The following FARP1 variants were observed in gnomAD, a reference collection of about 807,000 sequenced individuals.
The protein encoded by FARP1 is FERM, ARHGEF and pleckstrin domain-containing protein 1.
FARP1 carries 52 observed loss-of-function variants against 128.8 expected under a neutral mutation model. The ratio of observed to expected loss-of-function variants is 0.40; its 90% CI spans 0.32 to 0.51. FARP1 has a LOEUF of 0.51. Ranked by LOEUF, FARP1 falls within the 20% of genes least tolerant of loss-of-function variation. The pLI is 0.45. For missense variants in FARP1, 1,333 were observed against 1,367.9 expected, an observed-to-expected ratio of 0.97 and a Z score of 0.40; for synonymous variants, 580 against 551.8, an observed-to-expected ratio of 1.05 and a Z score of -0.72.
At chr13:98,185,289 G>A (rs534016213) in intron 1 of FARP1, among the ~76,000 whole-genome samples, 1 of 152,228 alleles carries the variant, frequency 6.6e-6, no homozygotes, top group Admixed American at 6.5e-5. Context: ...TGATACAAAA[G>A]CAGTATACCG....
intron 2 of FARP1, among the ~76,000 whole-genome samples, chr13:98,221,873 T>G (rs1165101082): frequency 2.0e-5 from 3 of 152,214 alleles, no homozygotes; most frequent in Non-Finnish European, 2.9e-5. Context: ...GTCAGCTGGA[T>G]GCTCTTGTGT....
At chr13:98,231,762 A>G (rs1882127904) in intron 2 of FARP1, among the ~76,000 whole-genome samples, 1 of 152,154 alleles carries the variant, frequency 6.6e-6, no homozygotes, top group South Asian at 2.1e-4. Context: ...TTACAAAGGG[A>G]CTAGAGTACT....
Position 98,368,014 on chromosome 13 carries a change from C to T in FARP1, c.320-103C>T, listed in dbSNP as rs375397256. ...AAAATGGCAGATGTGCACTTGGCAG[C>T]TTGGAATGAGATGCATTATTTGTAT... On this transcript the variant is annotated intron_variant, in intron 4 of 26. Coordinates refer to ENST00000319562, the MANE Select transcript of FARP1 (RefSeq NM_005766.4). 163 of 878,078 alleles carry T rather than the reference C, an allele frequency of 1.9e-4. 1 individual carries two copies. In the South Asian group the frequency reaches 2.4e-3, roughly 13 times the overall value. 54.4% of individuals were successfully genotyped at this position (878,078 alleles called of 1,614,324 possible). A position where few individuals can be genotyped will look rare whatever the true frequency, so the allele number is the denominator to read the frequency against.
chr13:98,453,289 T>C lies in FARP1; in HGVS notation c.*4972T>C. ...AAAAATTCATATAGTAACCAAAATC[T>C]TAGTTTTCATAAGAAATTCCAAGTC... On this transcript the variant is annotated 3_prime_UTR_variant, in exon 27 of 27. Transcript: ENST00000319562. 1 of 1,421,574 alleles carries C rather than the reference T, an allele frequency of 7.0e-7. No homozygotes were observed. Among genetic ancestry groups the C allele is most frequent in the Non-Finnish European group, 9.6e-7 (1 of 1,037,000 alleles). 88.1% of individuals were successfully genotyped at this position (1,421,574 alleles called of 1,614,324 possible).
chr13:98,379,737 A>G (rs1376396417), intron 6 of FARP1, among the ~76,000 whole-genome samples: 5 of 152,184 alleles, frequency 3.3e-5, no homozygotes, highest in African/African-American at 1.2e-4. Flanking sequence ...TAATTAATCC[A>G]ATGTAAATGC....
chr13:98,404,971 C>T (rs530281829), intron 13 of FARP1: 6 of 152,052 alleles, frequency 3.9e-5, no homozygotes, highest in Non-Finnish European at 8.8e-5. Context: ...AACTGAGACC[C>T]ATTTAAAAAA....
At chr13:98,413,633 C>T (rs2390004) in intron 16 of FARP1, among the ~76,000 whole-genome samples, 34,829 of 152,146 alleles carry the variant, frequency 0.23, 4,244 homozygotes, top group Middle Eastern at 0.29. Context: ...GCACTCCAGC[C>T]TGGGTGACAG....
At chr13:98,234,379 C>G (rs1216982248) in intron 2 of FARP1, 2 of 152,194 alleles carry the variant, frequency 1.3e-5, no homozygotes, top group Non-Finnish European at 2.9e-5. Context: ...GCATTAGGTT[C>G]ATTAATAATA....
chr13:98,188,847 C>A (rs1006277376), intron 1 of FARP1, among the ~76,000 whole-genome samples: 21 of 152,348 alleles, frequency 1.4e-4, no homozygotes, highest in African/African-American at 4.6e-4. Context: ...ATCCGAGGCT[C>A]ACCGTATGGG....
In FARP1 at chr13:98,440,027, A is replaced by G. The variant is rs1892457712; in HGVS notation, c.2500A>G (p.Ile834Val). Residue 834 changes from isoleucine to valine, a missense_variant, in exon 22 of 27, where the codon ATC becomes GTC. Ile to Val is a conservative substitution (Grantham distance 29, BLOSUM62 3). Transcript: ENST00000319562. ...CLTLRGQRQS[I>V]IVAASSRSEM... ...GACCCTCCGGGGCCAGCGGCAGTCC[A>G]TCATCGTGGCCGCCAGGTAACTCGG... 3 of 1,606,838 alleles carry G rather than the reference A, an allele frequency of 1.9e-6. No homozygotes were observed. Among genetic ancestry groups the G allele is most frequent in the Non-Finnish European group, 1.7e-6 (2 of 1,174,654 alleles).
At chr13:98,148,815 T>A (rs1305649237) in intron 1 of FARP1, among the ~76,000 whole-genome samples, 1 of 152,208 alleles carries the variant, frequency 6.6e-6, no homozygotes, top group Non-Finnish European at 1.5e-5. Context: ...CTGCCTTTTC[T>A]CTCTGGCTAC....
intron 2 of FARP1, among the ~76,000 whole-genome samples, chr13:98,268,803 T>C (rs1456777522): frequency 1.3e-5 from 2 of 151,858 alleles, no homozygotes; most frequent in African/African-American, 4.8e-5. Flanking sequence ...TGTGTGTGTG[T>C]GTGTGTGTGT....
chr13:98,162,088 CTT>C (rs1413411434), intron 1 of FARP1, among the ~76,000 whole-genome samples: 1 of 152,168 alleles, frequency 6.6e-6, no homozygotes, highest in Non-Finnish European at 1.5e-5. Context: ...CTTCCTGTCT[CTT>C]TCTTTTATCA....
intron 3 of FARP1, 63 bp downstream of exon 3, chr13:98,343,929 AG>A: frequency 9.5e-7 from 1 of 1,055,312 alleles, no homozygotes; most frequent in Non-Finnish European, 1.5e-6. Flanking sequence ...GGGGCTGGGC[AG>A]GGGCCAGTCT....
chr13:98,297,732 CCTCT>C, intron 2 of FARP1, among the ~76,000 whole-genome samples: 1 of 152,022 alleles, frequency 6.6e-6, no homozygotes, highest in Non-Finnish European at 1.5e-5. Flanking sequence ...GAAGGAAGCC[CCTCT>C]CTCTCATCTG....
At chr13:98,372,091 T>C (rs1257718712) in intron 5 of FARP1, among the ~76,000 whole-genome samples, 1 of 145,004 alleles carries the variant, frequency 6.9e-6, no homozygotes, top group Admixed American at 6.9e-5. Flanking sequence ...CTTTTTTTTT[T>C]TTTTTTTTTT....
chr13:98,204,349 T>C (rs1402638119), intron 1 of FARP1, among the ~76,000 whole-genome samples: 1 of 152,228 alleles, frequency 6.6e-6, no homozygotes, highest in Non-Finnish European at 1.5e-5. Context: ...CTTCATGTTT[T>C]TGCAGATTTA....
Position 98,381,337 on chromosome 13 carries a change from C to T in FARP1, c.497-3393C>T, listed in dbSNP as rs528692555. Among the ~76,000 whole-genome samples, 37 of 152,240 alleles carry T rather than the reference C, an allele frequency of 2.4e-4. No homozygotes were observed. The East Asian group carries it at 6.8e-3, about 28-fold the overall frequency. On this transcript the variant is annotated intron_variant, in intron 6 of 26. Coordinates refer to ENST00000319562, the MANE Select transcript of FARP1 (RefSeq NM_005766.4). The stretch of plus-strand genomic sequence containing the variant: ...TCTCCCTTTGGCAGAAACTATATTA[C>T]CCCTAATGGAAAATTATCTCTGGTA...
At chr13:98,320,993 A>G (rs1452675519) in intron 2 of FARP1, among the ~76,000 whole-genome samples, 1 of 152,160 alleles carries the variant, frequency 6.6e-6, no homozygotes, top group South Asian at 2.1e-4. Context: ...GTGCCTTTCA[A>G]TGTCTGTGAC....
Sources: gnomAD v4.1 joint callset for allele counts (sites outside exome capture counted in the v4.1 genomes callset) on GRCh38, gnomAD v4.1.1 for gene constraint, MANE v1.5 for transcripts, NCBI Gene and HGNC (gene_info 2026-07-23, HGNC 2026-07-21) for gene names.